The following MGAT4A variants were observed in gnomAD, a reference collection of about 807,000 sequenced individuals.
MGAT4A encodes N-acetylglucosaminyltransferase IVa.
MGAT4A carries 33 observed loss-of-function variants against 74.1 expected under a neutral mutation model. The ratio of observed to expected loss-of-function variants is 0.45; its 90% CI spans 0.34 to 0.60. MGAT4A has a LOEUF of 0.60. Among genes scored for constraint, MGAT4A ranks in the 20% least tolerant of loss-of-function variants. The pLI, the probability that MGAT4A is intolerant of heterozygous loss-of-function variation, is 0.02. For missense variants in MGAT4A, 479 were observed against 628.3 expected, an observed-to-expected ratio of 0.76 and a Z score of 2.54; for synonymous variants, 198 against 210.4, an observed-to-expected ratio of 0.94 and a Z score of 0.51.
At chr2:98,633,973 T>C (rs1468713268) in intron 14 of MGAT4A, among the ~76,000 whole-genome samples, 1 of 152,232 alleles carries the variant, frequency 6.6e-6, no homozygotes, top group Non-Finnish European at 1.5e-5. Context: ...AATGGCTGAA[T>C]GATACTTACC....
intron 5 of MGAT4A, among the ~76,000 whole-genome samples, chr2:98,659,350 G>A (rs1701710400): frequency 2.0e-5 from 3 of 152,120 alleles, no homozygotes; most frequent in Non-Finnish European, 2.9e-5. Flanking sequence ...CGGTGTGTGT[G>A]TCCAGACATC....
intron 14 of MGAT4A, among the ~76,000 whole-genome samples, chr2:98,631,648 C>T (rs1701235262): frequency 6.6e-6 from 1 of 152,162 alleles, no homozygotes; most frequent in East Asian, 1.9e-4. Flanking sequence ...GGAGGAGAGC[C>T]TAGGCAGCCC....
chr2:98,667,964 C>T (rs553696383), intron 4 of MGAT4A, among the ~76,000 whole-genome samples: 71 of 152,186 alleles, frequency 4.7e-4, no homozygotes, highest in Middle Eastern at 3.4e-3. Context: ...GTGATCCACC[C>T]GCCTCGGCCT....
At chr2:98,722,725 GT>G (rs1343558990) in intron 2 of MGAT4A, among the ~76,000 whole-genome samples, 1 of 152,182 alleles carries the variant, frequency 6.6e-6, no homozygotes, top group Non-Finnish European at 1.5e-5. Flanking sequence ...GTTTAAAACT[GT>G]TTAAATACAT....
chr2:98,714,506 G>A (rs1702565241), intron 2 of MGAT4A, among the ~76,000 whole-genome samples: 1 of 152,174 alleles, frequency 6.6e-6, no homozygotes, highest in Non-Finnish European at 1.5e-5. Context: ...AGAAACGCAG[G>A]TGGACGTGGA....
intron 2 of MGAT4A, among the ~76,000 whole-genome samples, chr2:98,722,637 C>T (rs1702692551): frequency 6.6e-6 from 1 of 152,114 alleles, no homozygotes; most frequent in Non-Finnish European, 1.5e-5. Flanking sequence ...GGATACATAT[C>T]TGTGAATATA....
intron 4 of MGAT4A, among the ~76,000 whole-genome samples, chr2:98,669,914 A>G (rs1701889777): frequency 6.6e-6 from 1 of 152,228 alleles, no homozygotes; most frequent in Non-Finnish European, 1.5e-5. Flanking sequence ...AGCCAGAAAC[A>G]TTCAAGATGG....
chr2:98,714,972 TTAAA>T (rs1702571158), intron 2 of MGAT4A, among the ~76,000 whole-genome samples: 1 of 151,954 alleles, frequency 6.6e-6, no homozygotes, highest in South Asian at 2.1e-4. Context: ...AACCCCAGAA[TTAAA>T]TAAATATCCA....
At chr2:98,656,661 A>C (rs1388109158) in intron 6 of MGAT4A, among the ~76,000 whole-genome samples, 196 bp from the exon 7 acceptor site, 2 of 152,130 alleles carry the variant, frequency 1.3e-5, no homozygotes, top group Non-Finnish European at 2.9e-5. Context: ...CCAATAGCAA[A>C]AGTTTTTTTT....
At chr2:98,661,797 C>A (rs1024397978) in intron 5 of MGAT4A, among the ~76,000 whole-genome samples, 2 of 152,202 alleles carry the variant, frequency 1.3e-5, no homozygotes, top group African/African-American at 4.8e-5. Flanking sequence ...CAGTCCAAGC[C>A]TCACCTCGAT....
intron 12 of MGAT4A, among the ~76,000 whole-genome samples, chr2:98,639,169 C>T (rs954741691): frequency 6.6e-6 from 1 of 151,986 alleles, no homozygotes; most frequent in African/African-American, 2.4e-5. Flanking sequence ...TACCTGTAAT[C>T]CCAGCTACTT....
intron 2 of MGAT4A, among the ~76,000 whole-genome samples, chr2:98,680,660 G>A (rs978084967): frequency 5.3e-5 from 8 of 152,168 alleles, no homozygotes; most frequent in East Asian, 1.9e-4. Flanking sequence ...AGGGCATACC[G>A]GCAGCTCCAG....
intron 4 of MGAT4A, chr2:98,663,552 G>T: frequency 9.6e-7 from 1 of 1,040,880 alleles, no homozygotes; most frequent in Non-Finnish European, 1.3e-6. Context: ...GCCGAGAAGA[G>T]CACAACATCA....
intron 2 of MGAT4A, among the ~76,000 whole-genome samples, chr2:98,682,156 C>T (rs1470016875): frequency 6.6e-6 from 1 of 152,156 alleles, no homozygotes; most frequent in Non-Finnish European, 1.5e-5. Flanking sequence ...GGTGCGGTGG[C>T]TCACGCCTGT....
chr2:98,647,190 T>C (rs1480041665), intron 8 of MGAT4A, among the ~76,000 whole-genome samples: 3 of 152,316 alleles, frequency 2.0e-5, no homozygotes. Flanking sequence ...TGCTGAAACC[T>C]TAAGTGGAAC....
Position 98,621,463 on chromosome 2 carries a change from CTT to C in MGAT4A, c.*4101_*4102del. ...AGCAATGGTGCCTGAGGTCCTTCTG[CTT>C]TGTCTCTTGACTTCTGCCACCAGCC... On this transcript the variant is annotated 3_prime_UTR_variant, in exon 16 of 16. Transcript: ENST00000393487. The C allele has an allele frequency of 6.4e-7, 1 of 1,551,644 alleles. No individual in the cohort carries two copies. The highest frequency in any genetic ancestry group is 8.7e-7 in the Non-Finnish European group (1 of 1,146,972).
At position 98,678,465 on chromosome 2, in the gene MGAT4A, A is replaced by G. The variant is rs1280488636; in HGVS notation, c.101T>C (p.Leu34Pro). 1.3e-6 allele frequency: 2 copies of G among 1,569,190 alleles called. No individual in the cohort carries two copies. Among genetic ancestry groups the G allele is most frequent in the Non-Finnish European group, 1.7e-6 (2 of 1,151,180 alleles). The change falls in exon 3 of 16, where the codon CTG (leucine) becomes CCG (proline). Residue 34 changes from leucine (L) to proline (P), a missense_variant. By Grantham distance (98) the Leu-to-Pro change is moderately conservative (BLOSUM62 -3). Transcript: ENST00000393487. Reference sequence around the variant, plus strand: ...AAGGAATTCTCGTTGATAAGCAATCAGTTTTTCTAGAAGCAAAACCAAAAC... The same window carrying G: ...AAGGAATTCTCGTTGATAAGCAATCGGTTTTTCTAGAAGCAAAACCAAAAC... ...YTTWQNGKEK[L>P]IAYQREFLAL...
Position 98,681,259 on chromosome 2 carries a change from A to G in MGAT4A, c.95-2788T>C, listed in dbSNP as rs145892744. On this transcript the variant is annotated intron_variant, in intron 2 of 15. Transcript: ENST00000393487. ...GCCTCCCAAAGTGCTGGGATTACAGACGTGAGCCACCGCACCTGGCCCAAT... is the reference window on the plus strand; with the variant it reads ...GCCTCCCAAAGTGCTGGGATTACAGGCGTGAGCCACCGCACCTGGCCCAAT... Among the ~76,000 whole-genome samples, 523 of 152,152 alleles carry G rather than the reference A, an allele frequency of 3.4e-3. 2 individuals carry two copies. The highest frequency in any genetic ancestry group is 0.012 in the African/African-American group (487 of 41,520).
At chr2:98,685,506 C>A (rs1262492793) in intron 2 of MGAT4A, among the ~76,000 whole-genome samples, 1 of 151,734 alleles carries the variant, frequency 6.6e-6, no homozygotes, top group Non-Finnish European at 1.5e-5. Context: ...AGAAAATTTC[C>A]CACTTATAAA....
Sources: gnomAD v4.1 joint callset for allele counts (sites outside exome capture counted in the v4.1 genomes callset) on GRCh38, gnomAD v4.1.1 for gene constraint, MANE v1.5 for transcripts, NCBI Gene and HGNC (gene_info 2026-07-23, HGNC 2026-07-21) for gene names.